The following CSNK2A1 variants were observed in gnomAD, a reference collection of about 807,000 sequenced individuals.
CSNK2A1 encodes the protein casein kinase II subunit alpha.
Under a neutral mutation model 62.9 loss-of-function variants are expected in CSNK2A1, and 10 were observed. The observed-to-expected ratio is 0.16, with a 90% CI of 0.10 to 0.27. The LOEUF is 0.27. Ranked by LOEUF, CSNK2A1 falls within the 10% of genes least tolerant of loss-of-function variation. CSNK2A1 has a pLI of 1.00. For missense variants in CSNK2A1, 160 were observed against 492.0 expected (o/e 0.33, Z 6.38); for synonymous variants, 124 against 167.8 (o/e 0.74, Z 2.02).
intron 2 of CSNK2A1, among the ~76,000 whole-genome samples, chr20:512,265 T>C (rs1013090845): frequency 6.6e-6 from 1 of 152,092 alleles, no homozygotes; most frequent in Non-Finnish European, 1.5e-5. Flanking sequence ...TCTCATTGAC[T>C]GTGATTTTAA....
Position 521,257 on chromosome 20 carries a change from C to T in CSNK2A1, c.-110+6676G>A, listed in dbSNP as rs376224105. ...GCTCAATTTAAAAATGGGCAAAAGACGTGAACATACACACCACAAAAGAAG... is the reference window on the plus strand; with the variant it reads ...GCTCAATTTAAAAATGGGCAAAAGATGTGAACATACACACCACAAAAGAAG... On this transcript the variant is annotated intron_variant, in intron 2 of 13. Transcript: ENST00000217244. Among the ~76,000 whole-genome samples the T allele has an allele frequency of 5.9e-5, 9 of 152,136 alleles. No individual in the cohort carries two copies. The East Asian group carries it at 1.5e-3, about 26-fold the overall frequency.
chr20:490,335 CTTTTTTTTT>C (rs907727482), intron 9 of CSNK2A1, among the ~76,000 whole-genome samples: 4 of 84,804 alleles, frequency 4.7e-5, no homozygotes, highest in East Asian at 3.4e-4. Context: ...CTAGTTTTTT[CTTTTTTTTT>C]TTTTTTTAGT....
chr20:490,335 C>CTTTTCTTTTTTTTTTTTT (rs1430310808), intron 9 of CSNK2A1, among the ~76,000 whole-genome samples: 2 of 84,804 alleles, frequency 2.4e-5, no homozygotes, highest in Admixed American at 1.3e-4. Context: ...CTAGTTTTTT[C>CTTTTCTTTTTTTTTTTTT]TTTTTTTTTT....
intron 2 of CSNK2A1, among the ~76,000 whole-genome samples, chr20:524,632 AGG>A (rs2019033501): frequency 7.9e-6 from 1 of 126,606 alleles, no homozygotes; most frequent in Non-Finnish European, 1.6e-5. Context: ...CAGGAGGCTG[AGG>A]CTGGAGAATC....
rs1199576281 is a variant in CSNK2A1 at position 481,654 on chromosome 20, G to A, written c.*2307C>T. On this transcript the variant is annotated 3_prime_UTR_variant, in exon 14 of 14. Transcript: ENST00000217244. Reference sequence around the variant, plus strand: ...CGGTTTATTCCAAGGTCTGATGGGTGTAAGGAGGTCCAGCTGTCTGCAGCT... The same window carrying A: ...CGGTTTATTCCAAGGTCTGATGGGTATAAGGAGGTCCAGCTGTCTGCAGCT... 7 of 152,118 alleles carry A rather than the reference G, an allele frequency of 4.6e-5. No individual in the cohort carries two copies. The highest frequency in any genetic ancestry group is 7.3e-5 in the Non-Finnish European group (5 of 68,040). The allele number at this position is 152,118 out of a possible 1,614,324, so 9.4% of individuals were successfully genotyped here.
chr20:491,771 A>T (rs1400155106), intron 9 of CSNK2A1, among the ~76,000 whole-genome samples: 1 of 152,030 alleles, frequency 6.6e-6, no homozygotes, highest in Non-Finnish European at 1.5e-5. Flanking sequence ...AAAATACAAG[A>T]AAAATTAGCT....
At chr20:511,790 C>G (rs1244180924) in intron 2 of CSNK2A1, among the ~76,000 whole-genome samples, 1 of 152,080 alleles carries the variant, frequency 6.6e-6, no homozygotes, top group Non-Finnish European at 1.5e-5. Flanking sequence ...CACAGCTTGG[C>G]TATTGTAAAT....
In CSNK2A1 at chr20:483,303, C is replaced by T. The variant is rs1020372319; in HGVS notation, c.*658G>A. ...TCAGTAAGACATGATTCTTACTGAA[C>T]AGAAGTTTTTAGTATCTGTCTGCAT... On this transcript the variant is annotated 3_prime_UTR_variant, in exon 14 of 14. Coordinates refer to ENST00000217244, the MANE Select transcript of CSNK2A1 (RefSeq NM_177559.3). 6.6e-6 allele frequency: 1 copy of T among 152,114 alleles called. No individual in the cohort carries two copies. Among genetic ancestry groups the T allele is most frequent in the Non-Finnish European group, 1.5e-5 (1 of 68,018 alleles). 9.4% of individuals were successfully genotyped at this position (152,114 alleles called of 1,614,324 possible).
chr20:531,764 T>C (rs974970908), intron 1 of CSNK2A1, among the ~76,000 whole-genome samples: 2 of 152,190 alleles, frequency 1.3e-5, no homozygotes, highest in Non-Finnish European at 2.9e-5. Context: ...AAGAAGACAA[T>C]GTATCCTAGG....
rs373808879 is a variant in CSNK2A1, at chr20:477,649, C to G, written c.*6312G>C. ...GGGGCATTCAAACCCTAGTCCATAG[C>G]CTGAGGCCCACCTATACCCAGACCC... On this transcript the variant is annotated 3_prime_UTR_variant, in exon 14 of 14. Transcript: ENST00000217244. 1.1e-4 allele frequency: 17 copies of G among 152,412 alleles called. No homozygotes were observed. Among genetic ancestry groups the G allele is most frequent in the African/African-American group, 4.1e-4 (17 of 41,568 alleles). The allele number at this position is 152,412 out of a possible 1,614,324, so 9.4% of individuals were successfully genotyped here.
intron 1 of CSNK2A1, among the ~76,000 whole-genome samples, chr20:528,808 T>C (rs538630221): frequency 4.6e-5 from 7 of 152,104 alleles, no homozygotes; most frequent in East Asian, 1.9e-4. Flanking sequence ...AAGTAATGTC[T>C]TTCTCATTTT....
chr20:527,564 C>A (rs894912923), intron 2 of CSNK2A1, among the ~76,000 whole-genome samples: 4 of 152,168 alleles, frequency 2.6e-5, no homozygotes, highest in African/African-American at 9.7e-5. Flanking sequence ...GAAGCATTCC[C>A]ATCTTTCTCC....
At position 492,255 on chromosome 20, in the gene CSNK2A1, T is replaced by G; in HGVS notation, c.620A>C (p.Gln207Pro). ...FKGPELLVDY[Q>P]MYDYSLDMWS... Reference sequence around the variant, plus strand: ...CTGTGCCTGCCCTTCTGTTCTTACCTGATAGTCTACAAGTAGCTCAGGACC... The same window carrying G: ...CTGTGCCTGCCCTTCTGTTCTTACCGGATAGTCTACAAGTAGCTCAGGACC... Residue 207 changes from glutamine to proline, a missense_variant and splice_region_variant, in exon 9 of 14, where the codon CAG becomes CCG. Coordinates refer to ENST00000217244, the MANE Select transcript of CSNK2A1 (RefSeq NM_177559.3). The G allele has an allele frequency of 1.9e-6, 3 of 1,612,830 alleles. No individual in the cohort carries two copies. The highest frequency in any genetic ancestry group is 2.5e-6 in the Non-Finnish European group (3 of 1,178,868).
intron 9 of CSNK2A1, among the ~76,000 whole-genome samples, chr20:490,348 T>TTTTTA (rs2018198147): frequency 1.6e-5 from 2 of 123,144 alleles, no homozygotes; most frequent in Non-Finnish European, 3.3e-5. Flanking sequence ...TTTTTTTTTT[T>TTTTTA]TTTAGTTTTT....
chr20:526,431 T>C (rs1235142543), intron 2 of CSNK2A1, among the ~76,000 whole-genome samples: 1 of 151,700 alleles, frequency 6.6e-6, no homozygotes, highest in African/African-American at 2.4e-5. Context: ...GGCAATACAG[T>C]GAGACTCCAT....
At chr20:529,103 C>A (rs998568303) in intron 1 of CSNK2A1, among the ~76,000 whole-genome samples, 3 of 152,100 alleles carry the variant, frequency 2.0e-5, no homozygotes, top group Admixed American at 6.5e-5. Context: ...TGCAGTGGTG[C>A]AACCGTAGCT....
At chr20:526,985 AAGAGAGAGAGACAGACAGAGAGAGAG>A (rs1319735994) in intron 2 of CSNK2A1, 1 of 89,996 alleles carries the variant, frequency 1.1e-5, no homozygotes, top group Non-Finnish European at 2.3e-5. Flanking sequence ...GAGAGAGAGA[AAGAGAGAGAGACAGACAGAGAGAGAG>A]AGAGAGAGAG....
At chr20:488,463 C>T (rs2018148550) in intron 11 of CSNK2A1, 2 of 475,916 alleles carry the variant, frequency 4.2e-6, no homozygotes, top group Non-Finnish European at 3.7e-6. Context: ...TAGCTATAAC[C>T]CCTCCATCAG....
At chr20:524,633 G>A (rs2019033395) in intron 2 of CSNK2A1, among the ~76,000 whole-genome samples, 1 of 137,472 alleles carries the variant, frequency 7.3e-6, no homozygotes, top group Non-Finnish European at 1.5e-5. Flanking sequence ...AGGAGGCTGA[G>A]GCTGGAGAAT....
Sources: allele counts gnomAD v4.1 joint callset (sites outside exome capture counted in the v4.1 genomes callset), GRCh38; gene constraint gnomAD v4.1.1; transcripts MANE v1.5; gene names NCBI Gene and HGNC (gene_info 2026-07-23, HGNC 2026-07-21).